Variants in FOXK2 observed in about 807,000 individuals in gnomAD.
FOXK2 encodes the protein forkhead box K2.
A neutral mutation model predicts 53.3 loss-of-function variants in FOXK2; 24 were observed. The observed-to-expected ratio is 0.45, with a 90% CI of 0.33 to 0.63. FOXK2 has a LOEUF of 0.63. Ranked by LOEUF, FOXK2 falls within the 30% of genes least tolerant of loss-of-function variation. The pLI is 0.03. For missense variants in FOXK2, 952 were observed against 910.5 expected (o/e 1.05, Z -0.59); for synonymous variants, 505 against 407.1 (o/e 1.24, Z -2.89).
chr17:82,554,207 A>G (rs1420610735), intron 1 of FOXK2, among the ~76,000 whole-genome samples: 1 of 152,202 alleles, frequency 6.6e-6, no homozygotes, highest in Non-Finnish European at 1.5e-5. Flanking sequence ...CTTTGCATAA[A>G]GAGACATCAC....
chr17:82,556,940 T>C (rs1223731527), intron 1 of FOXK2, among the ~76,000 whole-genome samples: 1 of 152,060 alleles, frequency 6.6e-6, no homozygotes, highest in Non-Finnish European at 1.5e-5. Context: ...TGACCTCAGG[T>C]GATCCACCTG....
intron 1 of FOXK2, among the ~76,000 whole-genome samples, chr17:82,531,315 A>T (rs566433971): frequency 2.0e-5 from 3 of 152,296 alleles, no homozygotes; most frequent in African/African-American, 7.2e-5. Context: ...AAACCATGTA[A>T]AACAGTTATA....
intron 1 of FOXK2, among the ~76,000 whole-genome samples, chr17:82,529,617 C>G (rs1317326854): frequency 6.6e-6 from 1 of 152,130 alleles, no homozygotes; most frequent in Non-Finnish European, 1.5e-5. Flanking sequence ...GACTCCTGAC[C>G]TCAGGTGATC....
At chr17:82,594,124 G>A (rs2045284556) in intron 8 of FOXK2, among the ~76,000 whole-genome samples, 1 of 152,226 alleles carries the variant, frequency 6.6e-6, no homozygotes, top group South Asian at 2.1e-4. Context: ...GCTGCGTGTA[G>A]TACCCACACA....
In FOXK2 at chr17:82,563,750, CCT is replaced by C. The variant is rs376115783; in HGVS notation, c.614+203_614+204del. Among the ~76,000 whole-genome samples, 357 of 94,550 alleles carry C rather than the reference CCT, an allele frequency of 3.8e-3. 16 individuals carry two copies. The highest frequency in any genetic ancestry group is 0.014 in the African/African-American group (309 of 22,240). The allele number at this position is 94,550 out of a possible 152,430, so 62.0% of individuals were successfully genotyped here. On this transcript the variant is annotated intron_variant, in intron 2 of 8. Transcript: ENST00000335255. ...GTTCCTGGTTTTTATTTACTCATTC[CCT>C]TTTTTTTTTTTTTTTTTGAGAAGGA...
rs1241828377 is a variant in FOXK2, at chr17:82,519,886, C to T, written c.-3C>T. 2 of 977,700 alleles carry T rather than the reference C, an allele frequency of 2.0e-6. No homozygotes were observed. Among genetic ancestry groups the T allele is most frequent in the East Asian group, 1.2e-4 (1 of 8,606 alleles). 60.6% of individuals were successfully genotyped at this position (977,700 alleles called of 1,614,324 possible). A position where few individuals can be genotyped will look rare whatever the true frequency, so the allele number is the denominator to read the frequency against. ...AGCGGCCCGGGGGCCCTCACGCAGG[C>T]CCATGGCGGCGGCCGCGGCGGCGCT... On this transcript the variant is annotated 5_prime_UTR_variant, in exon 1 of 9. Coordinates refer to ENST00000335255, the MANE Select transcript of FOXK2 (RefSeq NM_004514.4).
At chr17:82,527,296 A>T (rs778085643) in intron 1 of FOXK2, among the ~76,000 whole-genome samples, 1 of 151,958 alleles carries the variant, frequency 6.6e-6, no homozygotes, top group African/African-American at 2.4e-5. Context: ...ATGCACCACC[A>T]TGCTGGCTAA....
At chr17:82,578,739 A>T (rs1598223975) in intron 4 of FOXK2, 1 of 152,180 alleles carries the variant, frequency 6.6e-6, no homozygotes, top group East Asian at 1.9e-4. Context: ...GATGCTGCGA[A>T]CTGGGTTCTT....
chr17:82,571,974 G>T lies in FOXK2; in HGVS notation c.909+104G>T, dbSNP rs909481919. 1.1e-5 allele frequency: 13 copies of T among 1,180,250 alleles called. No homozygotes were observed. In the Admixed American group the frequency reaches 1.4e-4, roughly 12 times the overall value. 73.1% of individuals were successfully genotyped at this position (1,180,250 alleles called of 1,614,324 possible). A position where few individuals can be genotyped will look rare whatever the true frequency, so the allele number is the denominator to read the frequency against. On this transcript the variant is annotated intron_variant, in intron 4 of 8. Transcript: ENST00000335255. ...AGGCACAGGATAGGAAGGTAGAAGG[G>T]GGGGTTGGAGCCTCCCGTGCTGAGA...
intron 4 of FOXK2, chr17:82,578,168 A>G (rs920737157): frequency 7.0e-6 from 1 of 143,124 alleles, no homozygotes; most frequent in Non-Finnish European, 1.5e-5. Context: ...GTTTCTGTAC[A>G]CGTCCTTACT....
intron 3 of FOXK2, 36 bp downstream of exon 3, chr17:82,568,237 G>T: frequency 6.2e-7 from 1 of 1,609,482 alleles, no homozygotes; most frequent in Non-Finnish European, 8.5e-7. Flanking sequence ...GCCCCTGGGG[G>T]ACAGTGTGTA....
chr17:82,582,301 C>T (rs1234274266), intron 4 of FOXK2, among the ~76,000 whole-genome samples: 4 of 152,122 alleles, frequency 2.6e-5, no homozygotes, highest in Non-Finnish European at 5.9e-5. Context: ...GTGGATTGCT[C>T]ATCCCTCCTG....
chr17:82,585,744 C>T (rs943216457), intron 6 of FOXK2, among the ~76,000 whole-genome samples, 160 bp from the exon 7 acceptor site: 1 of 152,206 alleles, frequency 6.6e-6, no homozygotes, highest in African/African-American at 2.4e-5. Flanking sequence ...AATACTACAC[C>T]TCCCTCATTA....
chr17:82,527,291 C>A lies in FOXK2; in HGVS notation c.419+6984C>A, dbSNP rs369583125. ...GAGGAGCTGGGATTACAGGCATGCA[C>A]CACCATGCTGGCTAATTTTTGTATT... On this transcript the variant is annotated intron_variant, in intron 1 of 8. Coordinates refer to ENST00000335255, the MANE Select transcript of FOXK2 (RefSeq NM_004514.4). Among the ~76,000 whole-genome samples, 133 of 152,154 alleles carry A rather than the reference C, an allele frequency of 8.7e-4. 3 individuals are homozygous for A. In the South Asian group the frequency reaches 0.027, roughly 31 times the overall value.
At chr17:82,575,916 G>A (rs962532229) in intron 4 of FOXK2, among the ~76,000 whole-genome samples, 2 of 148,910 alleles carry the variant, frequency 1.3e-5, no homozygotes, top group Admixed American at 6.7e-5. Flanking sequence ...CCACACCAGC[G>A]TGTGTGCTTG....
At chr17:82,596,943 G>T (rs1284323464) in intron 8 of FOXK2, among the ~76,000 whole-genome samples, 1 of 152,216 alleles carries the variant, frequency 6.6e-6, no homozygotes. Flanking sequence ...GGGTTGTCAG[G>T]CGTGGCGAGA....
rs58770939 is a variant in FOXK2, at chr17:82,529,637, C to T, written c.419+9330C>T. Among the ~76,000 whole-genome samples, 989 of 152,244 alleles carry T rather than the reference C, an allele frequency of 6.5e-3. 11 individuals carry two copies. Among genetic ancestry groups the T allele is most frequent in the African/African-American group, 0.022 (933 of 41,550 alleles). ...CTGACCTCAGGTGATCCGCTTGCCT[C>T]GGCCTCCCAAAGTGCTGGGATTACA... On this transcript the variant is annotated intron_variant, in intron 1 of 8. Coordinates refer to ENST00000335255, the MANE Select transcript of FOXK2 (RefSeq NM_004514.4).
At chr17:82,596,245 C>T (rs919916108) in intron 8 of FOXK2, 25 of 979,388 alleles carry the variant, frequency 2.6e-5, no homozygotes, top group Admixed American at 1.8e-4. Context: ...TTTTCTTTCA[C>T]GTTACTAGGG....
chr17:82,586,729 C>G (rs906542564), intron 7 of FOXK2, among the ~76,000 whole-genome samples: 1 of 152,176 alleles, frequency 6.6e-6, no homozygotes, highest in East Asian at 1.9e-4. Context: ...CGGAGAAACC[C>G]TGTCTCTACT....
Sources: allele counts gnomAD v4.1 joint callset (sites outside exome capture counted in the v4.1 genomes callset), GRCh38; gene constraint gnomAD v4.1.1; transcripts MANE v1.5; gene names NCBI Gene and HGNC (gene_info 2026-07-23, HGNC 2026-07-21).